Variants in AOC1 observed in about 807,000 individuals in gnomAD.
AOC1 encodes amine oxidase copper containing 1, also known as diamine oxidase [copper-containing].
AOC1 carries 58 observed loss-of-function variants against 57.1 expected under a neutral mutation model. That is an observed-to-expected ratio of 1.02 (90% CI 0.82 to 1.26). The LOEUF is 1.26. AOC1 is among the 50% of genes most tolerant of loss of function. The pLI, the probability that AOC1 is intolerant of heterozygous loss-of-function variation, is 0.00. For synonymous variants in AOC1, 401 were observed against 423.4 expected, an observed-to-expected ratio of 0.95 and a Z score of 0.65; for missense variants, 917 against 1,005.3, an observed-to-expected ratio of 0.91 and a Z score of 1.19.
rs368923061 is a variant in AOC1 at position 150,856,770 on chromosome 7, C to T, written c.300C>T (p.Val100=). 5.0e-6 allele frequency: 8 copies of T among 1,614,032 alleles called. No individual in the cohort carries two copies. The highest frequency in any genetic ancestry group is 6.8e-6 in the Non-Finnish European group (8 of 1,180,004). ...ATCCTGTGCGGGAAGCCCGTGCCGT[C>T]ATCTTCTTTGGTGACCAGGAGCATC... The part of the protein sequence containing the change: ...ERHPVREARA[V]IFFGDQEHPN... The change falls in exon 2 of 5, where the codon GTC becomes GTT. Residue 100 remains valine (V), a synonymous_variant. Transcript: ENST00000360937. The surrounding 1 kb of genome is among the most constrained non-coding windows in gnomAD (Gnocchi z 5.2).
At chr7:150,860,450 G>C (rs756000827) in intron 3 of AOC1, 51 bp from the exon 4 acceptor site, 71 of 1,611,714 alleles carry the variant, frequency 4.4e-5, no homozygotes, top group Non-Finnish European at 5.8e-5. Context: ...GCAGGACTGA[G>C]GGGGGCCAGC....
At position 150,857,137 on chromosome 7, in the gene AOC1, C is replaced by T; in HGVS notation, c.667C>T (p.His223Tyr). 6.2e-7 allele frequency: 1 copy of T among 1,613,968 alleles called. No individual in the cohort carries two copies. Among genetic ancestry groups the T allele is most frequent in the Non-Finnish European group, 8.5e-7 (1 of 1,179,980 alleles). Residue 223 changes from histidine (H) to tyrosine (Y), a missense_variant, in exon 2 of 5, where the codon CAT (histidine) becomes TAT (tyrosine). Transcript: ENST00000360937. This position sits in a 1 kb window ranked among gnomAD's most constrained non-coding sequence, Gnocchi z 6.6. ...HPTGLELLVD[H>Y]GSTDAGHWAV... is the part of the protein sequence containing the mutation. The stretch of plus-strand genomic sequence containing the variant: ...CACTGGGCTGGAGCTCCTCGTGGAT[C>T]ATGGGAGCACAGATGCTGGGCACTG...
Position 150,858,767 on chromosome 7 carries a change from C to A in AOC1, c.1575C>A (p.Thr525=). The change falls in exon 3 of 5, where the codon ACC becomes ACA. Residue 525 remains threonine (T), a synonymous_variant. Coordinates refer to ENST00000360937, the MANE Select transcript of AOC1 (RefSeq NM_001091.4). ...CTTCTCCCTGCATACCTCCAGGCAC[C>A]AAGAACAGCTTCCAGACACTGCAGA... ...HYRVDLDVAG[T]KNSFQTLQMK... is the part of the protein sequence containing the mutation. 6.3e-7 allele frequency: 1 copy of A among 1,594,792 alleles called. No individual in the cohort carries two copies. Among genetic ancestry groups the A allele is most frequent in the African/African-American group, 1.3e-5 (1 of 74,570 alleles).
At position 150,857,044 on chromosome 7, in the gene AOC1, G is replaced by A. The variant is rs367977707; in HGVS notation, c.574G>A (p.Val192Met). Residue 192 changes from valine to methionine, a missense_variant, in exon 2 of 5, where the codon GTG becomes ATG. Physicochemically the swap from Val to Met is conservative, Grantham distance 21. Transcript: ENST00000360937. This position sits in a 1 kb window ranked among gnomAD's most constrained non-coding sequence, Gnocchi z 6.6. ...CTTCACCGATGTGGCCCCCCGGGGT[G>A]TGGCTTCTGGCCAGCGCCGCAGTTG... Reference protein sequence around the residue: ...LAFTDVAPRGVASGQRRSWLI... With the variant: ...LAFTDVAPRGMASGQRRSWLI... 3.1e-6 allele frequency: 5 copies of A among 1,614,052 alleles called. No homozygotes were observed. In the African/African-American group the frequency reaches 6.7e-5, roughly 22 times the overall value.
At chr7:150,854,647 G>A (rs1276593337) in intron 1 of AOC1, among the ~76,000 whole-genome samples, 2 of 152,160 alleles carry the variant, frequency 1.3e-5, no homozygotes, top group Admixed American at 6.5e-5. Flanking sequence ...GGAAAACAGG[G>A]CCTCTAGTTA....
chr7:150,856,564 G>C lies in AOC1; in HGVS notation c.94G>C (p.Val32Leu). 6.2e-7 allele frequency: 1 copy of C among 1,614,002 alleles called. No individual in the cohort carries two copies. The highest frequency in any genetic ancestry group is 8.5e-7 in the Non-Finnish European group (1 of 1,179,978). The part of the protein sequence containing the change: ...SPGTLPRKAG[V>L]FSDLSNQELK... ...GGGGACTCTGCCCAGGAAGGCAGGG[G>C]TGTTTTCAGACCTAAGCAACCAAGA... The change falls in exon 2 of 5, where the codon GTG becomes CTG. Residue 32 changes from valine to leucine, a missense_variant. Physicochemically the swap from Val to Leu is conservative, Grantham distance 32. Coordinates refer to ENST00000360937, the MANE Select transcript of AOC1 (RefSeq NM_001091.4). This position sits in a 1 kb window ranked among gnomAD's most constrained non-coding sequence, Gnocchi z 5.2.
At chr7:150,859,620 G>A (rs547567622) in intron 3 of AOC1, among the ~76,000 whole-genome samples, 8 of 145,366 alleles carry the variant, frequency 5.5e-5, no homozygotes, top group Non-Finnish European at 1.0e-4. Context: ...GGAGAATGGC[G>A]TGAACCCGGG....
chr7:150,861,224 C>T lies in AOC1; in HGVS notation c.*15C>T. On this transcript the variant is annotated 3_prime_UTR_variant, in exon 5 of 5. Transcript: ENST00000360937. This position sits in a 1 kb window ranked among gnomAD's most constrained non-coding sequence, Gnocchi z 4.5. Reference sequence around the variant, plus strand: ...GACCTGTGTGACCAGCCCCCAGTTCCTCCCCCAGTTCCTCCCAGGAAGCCC... The same window carrying T: ...GACCTGTGTGACCAGCCCCCAGTTCTTCCCCCAGTTCCTCCCAGGAAGCCC... The T allele has an allele frequency of 1.3e-6, 2 of 1,554,086 alleles. No individual in the cohort carries two copies. The highest frequency in any genetic ancestry group is 1.2e-5 in the South Asian group (1 of 83,036).
Position 150,861,428 on chromosome 7 carries a change from G to T in AOC1, c.*219G>T, listed in dbSNP as rs536421159. On this transcript the variant is annotated 3_prime_UTR_variant, in exon 5 of 5. Transcript: ENST00000360937. The surrounding 1 kb of genome is among the most constrained non-coding windows in gnomAD (Gnocchi z 4.5). The stretch of plus-strand genomic sequence containing the variant: ...GACGTGCACACACACAGACGTGCAC[G>T]CACTCACACGGACATGCACACACAT... The T allele has an allele frequency of 6.2e-5, 31 of 500,840 alleles. No individual in the cohort carries two copies. Among genetic ancestry groups the T allele is most frequent in the African/African-American group, 5.9e-4 (31 of 52,730 alleles). 31.0% of individuals were successfully genotyped at this position (500,840 alleles called of 1,614,324 possible).
chr7:150,857,589 T>G lies in AOC1; in HGVS notation c.1119T>G (p.Asp373Glu). 1 of 1,614,070 alleles carries G rather than the reference T, an allele frequency of 6.2e-7. No individual in the cohort carries two copies. The highest frequency in any genetic ancestry group is 8.5e-7 in the Non-Finnish European group (1 of 1,180,000). ...TPAGMQTKYL[D>E]VGWGLGSVTH... ...CAGGCATGCAGACCAAGTACCTCGA[T>G]GTCGGCTGGGGCCTGGGCAGCGTCA... The change falls in exon 2 of 5, where the codon GAT becomes GAG. Residue 373 changes from aspartate (D) to glutamate (E), a missense_variant. Asp to Glu is a conservative substitution (Grantham distance 45, BLOSUM62 2). Coordinates refer to ENST00000360937, the MANE Select transcript of AOC1 (RefSeq NM_001091.4). This position sits in a 1 kb window ranked among gnomAD's most constrained non-coding sequence, Gnocchi z 6.6.
Position 150,858,042 on chromosome 7 carries a change from T to A in AOC1, c.1570+2T>A. Reference sequence around the variant, plus strand: ...ACCGCGTAGACCTGGATGTGGCAGGTAGGACTCAAAGCGAGACTCTCCCGT... The same window carrying A: ...ACCGCGTAGACCTGGATGTGGCAGGAAGGACTCAAAGCGAGACTCTCCCGT... On this transcript the variant is annotated splice_donor_variant, in intron 2 of 4. Coordinates refer to ENST00000360937, the MANE Select transcript of AOC1 (RefSeq NM_001091.4). LOFTEE classifies it high-confidence loss of function. 6.6e-7 allele frequency: 1 copy of A among 1,507,036 alleles called. No homozygotes were observed. The highest frequency in any genetic ancestry group is 1.3e-5 in the South Asian group (1 of 76,262). The allele number at this position is 1,507,036 out of a possible 1,614,324, so 93.4% of individuals were successfully genotyped here.
At position 150,861,115 on chromosome 7, in the gene AOC1, A is replaced by C; in HGVS notation, c.2162A>C (p.Asn721Thr). 8 of 1,614,122 alleles carry C rather than the reference A, an allele frequency of 5.0e-6. No individual in the cohort carries two copies. The highest frequency in any genetic ancestry group is 6.8e-6 in the Non-Finnish European group (8 of 1,179,982). The change falls in exon 5 of 5, where the codon AAC (asparagine) becomes ACC (threonine). Residue 721 changes from asparagine to threonine, a missense_variant. Transcript: ENST00000360937. The surrounding 1 kb of genome is among the most constrained non-coding windows in gnomAD (Gnocchi z 4.5). ...ACTGTGATCGTGTGGCCTCGGGACA[A>C]CGGCCCCAACTACGTCCAGCGCTGG... ...RDTVIVWPRDNGPNYVQRWIP... is the reference protein window; with the variant it reads ...RDTVIVWPRDTGPNYVQRWIP...
At chr7:150,858,714 C>T in intron 2 of AOC1, 49 bp from the exon 3 acceptor site, 1 of 1,538,520 alleles carries the variant, frequency 6.5e-7, no homozygotes, top group South Asian at 1.2e-5. Flanking sequence ...GAGGAGGTTT[C>T]AGTTCTGGCA....
Position 150,857,918 on chromosome 7 carries a change from G to T in AOC1, c.1448G>T (p.Gly483Val). Residue 483 changes from glycine (G) to valine (V), a missense_variant, in exon 2 of 5, where the codon GGC (glycine) becomes GTC (valine). Gly to Val is a moderately radical substitution (Grantham distance 109). Transcript: ENST00000360937. The surrounding 1 kb of genome is among the most constrained non-coding windows in gnomAD (Gnocchi z 6.6). ...ATGGAGGCCAAGATGCATGCCACTG[G>T]CTACGTCCACGCCACCTTCTACACC... The part of the protein sequence containing the change: ...GVMEAKMHAT[G>V]YVHATFYTPE... 1 of 1,612,896 alleles carries T rather than the reference G, an allele frequency of 6.2e-7. No homozygotes were observed.
At position 150,856,636 on chromosome 7, in the gene AOC1, C is replaced by A. The variant is rs1013224770; in HGVS notation, c.166C>A (p.Leu56Met). 9.3e-6 allele frequency: 15 copies of A among 1,614,050 alleles called. No homozygotes were observed. In the African/African-American group the frequency reaches 9.3e-5, roughly 10 times the overall value. ...CCTCTGGTCCAAGAAGGAGCTGAGG[C>A]TGCAGCCCTCCAGTACCACCACCAT... ...SFLWSKKELR[L>M]QPSSTTTMAK... Residue 56 changes from leucine (L) to methionine (M), a missense_variant, in exon 2 of 5, where the codon CTG becomes ATG. By Grantham distance (15) the Leu-to-Met change is conservative. Transcript: ENST00000360937. The surrounding 1 kb of genome is among the most constrained non-coding windows in gnomAD (Gnocchi z 5.2).
In AOC1 at chr7:150,861,230, C is replaced by T. The variant is rs768456671; in HGVS notation, c.*21C>T. ...TGTGACCAGCCCCCAGTTCCTCCCCCAGTTCCTCCCAGGAAGCCCAGGAGC... is the reference window on the plus strand; with the variant it reads ...TGTGACCAGCCCCCAGTTCCTCCCCTAGTTCCTCCCAGGAAGCCCAGGAGC... On this transcript the variant is annotated 3_prime_UTR_variant, in exon 5 of 5. Transcript: ENST00000360937. This position sits in a 1 kb window ranked among gnomAD's most constrained non-coding sequence, Gnocchi z 4.5. 9 of 1,545,622 alleles carry T rather than the reference C, an allele frequency of 5.8e-6. No homozygotes were observed. In the Admixed American group the frequency reaches 9.3e-5, roughly 16 times the overall value.
At position 150,858,095 on chromosome 7, in the gene AOC1, T is replaced by TA. The variant is rs1416194573; in HGVS notation, c.1570+58dup. ...AAACATCTGCATCCAGCCAATAACT[T>TA]AAACTCCCAGGAGACGGCACTATAA... On this transcript the variant is annotated intron_variant, in intron 2 of 4. Coordinates refer to ENST00000360937, the MANE Select transcript of AOC1 (RefSeq NM_001091.4). 2.0e-6 allele frequency: 3 copies of TA among 1,488,918 alleles called. No homozygotes were observed. In the Admixed American group the frequency reaches 7.0e-5, roughly 35 times the overall value. The allele number at this position is 1,488,918 out of a possible 1,614,324, so 92.2% of individuals were successfully genotyped here. A position where few individuals can be genotyped will look rare whatever the true frequency, so the allele number is the denominator to read the frequency against.
rs767660228 is a variant in AOC1, at chr7:150,857,402, GGCTGGAGGGCAAC to G, written c.937_949del (p.Glu313CysfsTer21). The G allele has an allele frequency of 2.5e-6, 4 of 1,611,226 alleles. No individual in the cohort carries two copies. The highest frequency in any genetic ancestry group is 3.4e-6 in the Non-Finnish European group (4 of 1,179,096). On this transcript the variant is annotated frameshift_variant, in exon 2 of 5. Transcript: ENST00000360937. LOFTEE classifies it high-confidence loss of function. This position sits in a 1 kb window ranked among gnomAD's most constrained non-coding sequence, Gnocchi z 6.6. ...GTCCAGCCCCACGGCCCTCGCTTCA[GGCTGGAGGGCAAC>G]GCTGTGCTCTACGGCGGCTGGAGCT...
chr7:150,856,493 T>A lies in AOC1; in HGVS notation c.23T>A (p.Val8Glu). 2 of 1,613,634 alleles carry A rather than the reference T, an allele frequency of 1.2e-6. No homozygotes were observed. The highest frequency in any genetic ancestry group is 3.3e-5 in the Admixed American group (2 of 59,984). Residue 8 changes from valine (V) to glutamate (E), a missense_variant, in exon 2 of 5, where the codon GTG becomes GAG. By Grantham distance (121) the Val-to-Glu change is moderately radical. Coordinates refer to ENST00000360937, the MANE Select transcript of AOC1 (RefSeq NM_001091.4). The surrounding 1 kb of genome is among the most constrained non-coding windows in gnomAD (Gnocchi z 5.2). MPALGWA[V>E]AAILMLQTAM... ...GAGATGCCGGCCCTGGGCTGGGCCG[T>A]GGCTGCCATCCTGATGCTGCAGACG...
Sources: allele counts gnomAD v4.1 joint callset (sites outside exome capture counted in the v4.1 genomes callset), GRCh38; gene constraint gnomAD v4.1.1; non-coding constraint Gnocchi (gnomAD v3.1); transcripts MANE v1.5; gene names NCBI Gene and HGNC (gene_info 2026-07-23, HGNC 2026-07-21).